LUZP2: variants seen among roughly 807,000 people sequenced by gnomAD.
LUZP2 encodes the protein leucine zipper protein 2.
Under a neutral mutation model 51.6 loss-of-function variants are expected in LUZP2, and 52 were observed. The observed-to-expected ratio is 1.01, with a 90% CI of 0.81 to 1.27. LUZP2 has a LOEUF of 1.27. Among genes scored for constraint, LUZP2 ranks in the 50% most tolerant of loss-of-function variants. The pLI is 0.00. For synonymous variants in LUZP2, 154 were observed against 137.3 expected, an observed-to-expected ratio of 1.12 and a Z score of -0.85; for missense variants, 436 against 395.4, an observed-to-expected ratio of 1.10 and a Z score of -0.87.
chr11:24,775,042 T>A (rs75910962), intron 5 of LUZP2, among the ~76,000 whole-genome samples: 12,125 of 151,534 alleles, frequency 0.08, 1,053 homozygotes, highest in African/African-American at 0.22. Context: ...AATAATAATT[T>A]CTAAAATTGC....
intron 3 of LUZP2, among the ~76,000 whole-genome samples, chr11:24,733,588 A>G (rs1858804703): frequency 6.6e-6 from 1 of 151,684 alleles, no homozygotes; most frequent in Non-Finnish European, 1.5e-5. Flanking sequence ...AAAGAACTGG[A>G]GATTAGAGTG....
chr11:24,535,857 G>A (rs887426889), intron 1 of LUZP2, among the ~76,000 whole-genome samples: 14 of 151,624 alleles, frequency 9.2e-5, no homozygotes, highest in African/African-American at 3.4e-4. Context: ...CTTTGCTCAT[G>A]TCTATCAGAG....
intron 9 of LUZP2, among the ~76,000 whole-genome samples, chr11:25,019,640 C>A (rs1230532236): frequency 6.6e-6 from 1 of 152,078 alleles, no homozygotes; most frequent in South Asian, 2.1e-4. Flanking sequence ...ATCCGTTCAA[C>A]TCAATAGCAT....
chr11:24,647,980 A>G (rs1005531584), intron 1 of LUZP2, among the ~76,000 whole-genome samples: 1 of 151,836 alleles, frequency 6.6e-6, no homozygotes. Context: ...ACTCTTTTCT[A>G]TCATTACTCA....
chr11:24,762,807 G>A (rs376875744), intron 4 of LUZP2: 15 of 157,924 alleles, frequency 9.5e-5, no homozygotes, highest in South Asian at 6.1e-4. Context: ...TTAATGTCCC[G>A]TAGTTTTGAG....
chr11:24,926,263 A>T (rs1245078394), intron 7 of LUZP2, among the ~76,000 whole-genome samples: 1 of 53,340 alleles, frequency 1.9e-5, no homozygotes, highest in Non-Finnish European at 4.1e-5. Context: ...ACGTGTGTGT[A>T]TATATATACG....
intron 5 of LUZP2, among the ~76,000 whole-genome samples, chr11:24,883,219 G>A (rs1852545485): frequency 6.6e-6 from 1 of 151,312 alleles, no homozygotes; most frequent in Admixed American, 6.6e-5. Context: ...TACATGTGCA[G>A]AATCTCATAC....
chr11:24,939,425 G>A (rs1022305317), intron 7 of LUZP2, among the ~76,000 whole-genome samples: 1 of 151,922 alleles, frequency 6.6e-6, no homozygotes, highest in African/African-American at 2.4e-5. Flanking sequence ...GGATCACTGA[G>A]GGGACAATCA....
At chr11:24,680,490 A>G (rs1294753583) in intron 1 of LUZP2, among the ~76,000 whole-genome samples, 6 of 152,156 alleles carry the variant, frequency 3.9e-5, no homozygotes, top group African/African-American at 1.4e-4. Context: ...TTCATTTCCT[A>G]CAAGTGGAAA....
At chr11:24,751,678 T>G in intron 4 of LUZP2, 2 of 448,516 alleles carry the variant, frequency 4.5e-6, no homozygotes, top group Non-Finnish European at 5.8e-6. Flanking sequence ...CCTTTTCCTG[T>G]ACCCATTGCC....
chr11:24,958,206 T>G (rs938977820), intron 7 of LUZP2, among the ~76,000 whole-genome samples: 4 of 152,212 alleles, frequency 2.6e-5, no homozygotes, highest in African/African-American at 9.7e-5. Flanking sequence ...AGTGCCACAA[T>G]AAACATATGT....
Position 25,045,015 on chromosome 11 carries a change from C to T in LUZP2, c.766-5023C>T, listed in dbSNP as rs1858251645. On this transcript the variant is annotated intron_variant, in intron 9 of 11. Transcript: ENST00000336930. ...ATAGGTGGGAATTGAACAATGAGAA[C>T]ACATGGACACAGGAAGGGGAACATC... Among the ~76,000 whole-genome samples, 2 of 123,440 alleles carry T rather than the reference C, an allele frequency of 1.6e-5. 1 individual carries two copies. Among genetic ancestry groups the T allele is most frequent in the South Asian group, 5.2e-4 (2 of 3,874 alleles). 81.0% of individuals were successfully genotyped at this position (123,440 alleles called of 152,430 possible).
intron 7 of LUZP2, among the ~76,000 whole-genome samples, chr11:24,941,033 G>T (rs1854732642): frequency 6.6e-6 from 1 of 152,126 alleles, no homozygotes; most frequent in Non-Finnish European, 1.5e-5. Context: ...TCTTAGGCAA[G>T]CTGGAAATAG....
intron 2 of LUZP2, among the ~76,000 whole-genome samples, chr11:24,731,813 C>T (rs2133971648): frequency 6.6e-6 from 1 of 151,860 alleles, no homozygotes; most frequent in African/African-American, 2.4e-5. Flanking sequence ...CACAGTAAAA[C>T]TTCAAAGAAT....
intron 10 of LUZP2, among the ~76,000 whole-genome samples, chr11:25,062,429 A>AAT (rs1389582944): frequency 1.2e-4 from 8 of 65,216 alleles, no homozygotes; most frequent in Non-Finnish European, 3.3e-4. Context: ...TATAAAGAAT[A>AAT]AAAAAATATA....
At chr11:24,792,564 G>A (rs1409976693) in intron 5 of LUZP2, among the ~76,000 whole-genome samples, 1 of 152,038 alleles carries the variant, frequency 6.6e-6, no homozygotes, top group African/African-American at 2.4e-5. Flanking sequence ...ACTTAGTACG[G>A]CACTGTTATA....
At chr11:24,850,491 G>T (rs182819496) in intron 5 of LUZP2, among the ~76,000 whole-genome samples, 166 of 152,002 alleles carry the variant, frequency 1.1e-3, no homozygotes, top group African/African-American at 3.9e-3. Context: ...TACCTGTTTT[G>T]GTCCCAGTAA....
intron 5 of LUZP2, chr11:24,890,856 A>G (rs1347026138): frequency 7.5e-6 from 7 of 931,094 alleles, no homozygotes; most frequent in Admixed American, 6.2e-5. Context: ...GAAAAAATAT[A>G]AAGCATTTTA....
At chr11:24,832,198 A>G (rs1295364000) in intron 5 of LUZP2, 1 of 152,088 alleles carries the variant, frequency 6.6e-6, no homozygotes, top group African/African-American at 2.4e-5. Context: ...GAGAAAATGG[A>G]CCTTGAAAAA....
Sources: gnomAD v4.1 joint callset for allele counts (sites outside exome capture counted in the v4.1 genomes callset) on GRCh38, gnomAD v4.1.1 for gene constraint, MANE v1.5 for transcripts, NCBI Gene and HGNC (gene_info 2026-07-23, HGNC 2026-07-21) for gene names.